The following MYO9A variants were observed in gnomAD, a reference collection of about 807,000 sequenced individuals.
MYO9A encodes myosin IXA, also known as unconventional myosin-IXa.
A neutral mutation model predicts 293.3 loss-of-function variants in MYO9A; 103 were observed. The observed-to-expected ratio is 0.35, with a 90% confidence interval of 0.30 to 0.41. The LOEUF (loss-of-function observed/expected upper bound fraction) is 0.41, where lower values mean the gene tolerates loss of function less well. Among genes scored for constraint, MYO9A ranks in the 10% least tolerant of loss-of-function variants. MYO9A has a pLI of 1.00. For missense variants in MYO9A, 2,685 were observed against 3,033.0 expected (o/e 0.89, Z 2.69); for synonymous variants, 1,001 against 1,035.7 (o/e 0.97, Z 0.64).
chr15:71,875,658 T>A (rs1378369013), intron 32 of MYO9A, 133 bp downstream of exon 32: 1 of 394,996 alleles, frequency 2.5e-6, no homozygotes, highest in African/African-American at 2.1e-5. Context: ...TTTGTAAAGA[T>A]ATAAATATGA....
chr15:71,950,999 A>G (rs1567308443), intron 15 of MYO9A, among the ~76,000 whole-genome samples: 3 of 152,206 alleles, frequency 2.0e-5, no homozygotes, highest in Non-Finnish European at 4.4e-5. Flanking sequence ...TTCATGCAGA[A>G]TGAGTACAAC....
At chr15:71,925,841 G>A (rs2058298547) in intron 18 of MYO9A, among the ~76,000 whole-genome samples, 1 of 152,166 alleles carries the variant, frequency 6.6e-6, no homozygotes, top group African/African-American at 2.4e-5. Context: ...TATATTCTGA[G>A]TTTGAAAGTG....
chr15:71,956,933 A>T (rs1355150049), intron 14 of MYO9A, among the ~76,000 whole-genome samples: 2 of 150,032 alleles, frequency 1.3e-5, no homozygotes, highest in East Asian at 2.0e-4. Context: ...CCAGTATTTC[A>T]TTTCTTTTAT....
At chr15:71,985,133 T>A (rs1162230429) in intron 11 of MYO9A, among the ~76,000 whole-genome samples, 1 of 152,204 alleles carries the variant, frequency 6.6e-6, no homozygotes, top group Non-Finnish European at 1.5e-5. Context: ...TTGACCAGGC[T>A]GGTCTTGAAC....
chr15:71,980,069 G>A (rs1020180885), intron 11 of MYO9A, among the ~76,000 whole-genome samples: 2 of 151,520 alleles, frequency 1.3e-5, no homozygotes, highest in Non-Finnish European at 1.5e-5. Flanking sequence ...GGCTGGTCTC[G>A]AACTCCTGGC....
chr15:71,860,467 G>GGAAGCC (rs1180653962), intron 33 of MYO9A, among the ~76,000 whole-genome samples: 1 of 152,186 alleles, frequency 6.6e-6, no homozygotes, highest in Non-Finnish European at 1.5e-5. Flanking sequence ...CACATTTAGA[G>GGAAGCC]GAAGGTATTG....
At chr15:72,065,395 A>G (rs2078988970) in intron 1 of MYO9A, among the ~76,000 whole-genome samples, 1 of 151,758 alleles carries the variant, frequency 6.6e-6, no homozygotes, top group South Asian at 2.1e-4. Context: ...CATACCTGTA[A>G]TCCCAGCTAC....
At chr15:71,943,682 G>A (rs1391975817) in intron 15 of MYO9A, among the ~76,000 whole-genome samples, 1 of 151,938 alleles carries the variant, frequency 6.6e-6, no homozygotes, top group Non-Finnish European at 1.5e-5. Context: ...GCCCCTTCTT[G>A]GACAATCTCC....
intron 31 of MYO9A, among the ~76,000 whole-genome samples, chr15:71,877,686 G>A (rs72746310): frequency 5.3e-5 from 8 of 152,084 alleles, no homozygotes; most frequent in African/African-American, 1.9e-4. Context: ...TCGAACTCCT[G>A]ATTTCAAGTT....
At chr15:72,101,243 G>A (rs1451630029) in intron 1 of MYO9A, among the ~76,000 whole-genome samples, 2 of 125,880 alleles carry the variant, frequency 1.6e-5, no homozygotes, top group Admixed American at 7.7e-5. Flanking sequence ...GGAGGGAGGT[G>A]GGGGGGTCAG....
At chr15:71,971,127 C>T (rs2075999173) in intron 12 of MYO9A, among the ~76,000 whole-genome samples, 1 of 151,218 alleles carries the variant, frequency 6.6e-6, no homozygotes, top group Non-Finnish European at 1.5e-5. Flanking sequence ...TGCCGCTGCA[C>T]TCCAGCCTGG....
intron 1 of MYO9A, among the ~76,000 whole-genome samples, chr15:72,087,203 C>T (rs560980145): frequency 6.6e-6 from 1 of 152,302 alleles, no homozygotes; most frequent in Admixed American, 6.5e-5. Context: ...CCAGAAGAGG[C>T]CAGCAGACCA....
In MYO9A at chr15:72,085,783, C is replaced by A. The variant is rs538072448; in HGVS notation, c.-72+31897G>T. Among the ~76,000 whole-genome samples, 4 of 152,252 alleles carry A rather than the reference C, an allele frequency of 2.6e-5. No individual in the cohort carries two copies. In the South Asian group the frequency reaches 6.2e-4, roughly 24 times the overall value. ...TTCCTTCAATCTTTGAAGATGCTGTCCTTCGAAATGGTTTTTTGTTTTTTT... is the reference window on the plus strand; with the variant it reads ...TTCCTTCAATCTTTGAAGATGCTGTACTTCGAAATGGTTTTTTGTTTTTTT... On this transcript the variant is annotated intron_variant, in intron 1 of 41. Transcript: ENST00000356056.
At position 71,824,718 on chromosome 15, in the gene MYO9A, A is replaced by G. The variant is rs1165345456; in HGVS notation, c.*1862T>C. On this transcript the variant is annotated 3_prime_UTR_variant, in exon 42 of 42. Transcript: ENST00000356056. ...GGCAGATGTCTGTGGGATATAAAGC[A>G]TAACATTTGCTCATTAACTATCATT... 1 of 152,258 alleles carries G rather than the reference A, an allele frequency of 6.6e-6. No individual in the cohort carries two copies. Among genetic ancestry groups the G allele is most frequent in the Non-Finnish European group, 1.5e-5 (1 of 68,050 alleles). 9.4% of individuals were successfully genotyped at this position (152,258 alleles called of 1,614,324 possible). A position where few individuals can be genotyped will look rare whatever the true frequency, so the allele number is the denominator to read the frequency against.
At chr15:71,941,618 T>G (rs2058777187) in intron 15 of MYO9A, among the ~76,000 whole-genome samples, 1 of 152,196 alleles carries the variant, frequency 6.6e-6, no homozygotes, top group South Asian at 2.1e-4. Context: ...TGAAAAATAT[T>G]GGCCAAAAAT....
At chr15:71,863,890 C>T (rs971126934) in intron 32 of MYO9A, among the ~76,000 whole-genome samples, 24 of 152,084 alleles carry the variant, frequency 1.6e-4, no homozygotes, top group African/African-American at 5.8e-4. Flanking sequence ...GGCACCAAAA[C>T]TTTACATATG....
chr15:71,933,783 G>A (rs2058549931), intron 17 of MYO9A, 74 bp from the exon 18 acceptor site: 5 of 1,262,682 alleles, frequency 4.0e-6, no homozygotes, highest in Non-Finnish European at 4.5e-6. Context: ...AGAGAAGAAA[G>A]ATTTCAAGGT....
At chr15:72,092,705 G>A (rs771272748) in intron 1 of MYO9A, among the ~76,000 whole-genome samples, 33 of 152,148 alleles carry the variant, frequency 2.2e-4, no homozygotes, top group Non-Finnish European at 3.5e-4. Context: ...AAACCAGTGA[G>A]CATGGATGTA....
intron 14 of MYO9A, among the ~76,000 whole-genome samples, chr15:71,957,466 G>T (rs1316060732): frequency 6.6e-6 from 1 of 151,784 alleles, no homozygotes; most frequent in Non-Finnish European, 1.5e-5. Context: ...CAATACAGAA[G>T]TAATTTATAA....
Sources: gnomAD v4.1 joint callset for allele counts (sites outside exome capture counted in the v4.1 genomes callset) on GRCh38, gnomAD v4.1.1 for gene constraint, MANE v1.5 for transcripts, NCBI Gene and HGNC (gene_info 2026-07-23, HGNC 2026-07-21) for gene names.